Variants in LRP1B observed in about 807,000 individuals in gnomAD.
The protein encoded by LRP1B is low-density lipoprotein receptor-related protein 1B.
Under a neutral mutation model 556.6 loss-of-function variants are expected in LRP1B, and 217 were observed. The ratio of observed to expected loss-of-function variants is 0.39; its 90% confidence interval spans 0.35 to 0.44. The LOEUF is 0.44. Among genes scored for constraint, LRP1B ranks in the 20% least tolerant of loss-of-function variants. LRP1B has a pLI of 1.00. For synonymous variants in LRP1B, 2,047 were observed against 1,865.8 expected (o/e 1.10, Z -2.50); for missense variants, 5,053 against 5,620.8 (o/e 0.90, Z 3.23).
At chr2:141,035,222 G>A (rs946141821) in intron 11 of LRP1B, among the ~76,000 whole-genome samples, 2 of 151,862 alleles carry the variant, frequency 1.3e-5, no homozygotes, top group East Asian at 1.9e-4. Context: ...GGGGAAGGGG[G>A]GAGGGATAGC....
At chr2:140,554,508 A>T (rs1680656727) in intron 43 of LRP1B, among the ~76,000 whole-genome samples, 1 of 152,072 alleles carries the variant, frequency 6.6e-6, no homozygotes, top group Non-Finnish European at 1.5e-5. Context: ...TCATTTTGAC[A>T]GTCAATTCAA....
chr2:140,401,484 C>G (rs1042185201), intron 66 of LRP1B, among the ~76,000 whole-genome samples: 1 of 152,112 alleles, frequency 6.6e-6, no homozygotes, highest in Non-Finnish European at 1.5e-5. Flanking sequence ...TTGAGAACTG[C>G]CCCCAACCCC....
chr2:141,936,345 A>G (rs1268620811), intron 1 of LRP1B, among the ~76,000 whole-genome samples: 1 of 152,236 alleles, frequency 6.6e-6, no homozygotes, highest in Admixed American at 6.5e-5. Context: ...AACTAGTTTA[A>G]TGATCACAAT....
intron 79 of LRP1B, among the ~76,000 whole-genome samples, chr2:140,326,649 A>AGGTCAGTGAG (rs1210834158): frequency 6.6e-6 from 1 of 151,946 alleles, no homozygotes; most frequent in African/African-American, 2.4e-5. Context: ...TGGGAGGCAG[A>AGGTCAGTGAG]GGTCAGTGAG....
chr2:141,568,201 G>A lies in LRP1B; in HGVS notation c.206-87668C>T, dbSNP rs1244646454. Among the ~76,000 whole-genome samples, 2 of 151,026 alleles carry A rather than the reference G, an allele frequency of 1.3e-5. 1 individual carries two copies. Among genetic ancestry groups the A allele is most frequent in the Non-Finnish European group, 3.0e-5 (2 of 67,440 alleles). ...GGGATAAAGTTAGAGCATTAAGGAT[G>A]GGCTGGCTAACAAAATCACAATGTC... On this transcript the variant is annotated intron_variant, in intron 2 of 90. Coordinates refer to ENST00000389484, the MANE Select transcript of LRP1B (RefSeq NM_018557.3).
At chr2:141,566,393 C>T (rs552096186) in intron 2 of LRP1B, among the ~76,000 whole-genome samples, 88 of 152,072 alleles carry the variant, frequency 5.8e-4, no homozygotes, top group Middle Eastern at 3.4e-3. Context: ...ACTTTATGCA[C>T]AAAAACATAA....
At chr2:140,811,458 T>C (rs899293731) in intron 32 of LRP1B, among the ~76,000 whole-genome samples, 2 of 152,194 alleles carry the variant, frequency 1.3e-5, no homozygotes, top group Non-Finnish European at 1.5e-5. Context: ...ACAATTTTAT[T>C]ATATTTTTTT....
intron 1 of LRP1B, among the ~76,000 whole-genome samples, chr2:142,055,888 C>T (rs992111548): frequency 7.9e-5 from 12 of 152,134 alleles, no homozygotes; most frequent in African/African-American, 1.9e-4. Context: ...CAGTGGCTCA[C>T]GCCTGTAATC....
chr2:141,415,507 T>C (rs889148159), intron 3 of LRP1B, among the ~76,000 whole-genome samples: 26 of 152,270 alleles, frequency 1.7e-4, no homozygotes, highest in African/African-American at 6.0e-4. Context: ...TTTTTACAGA[T>C]CTATAATGGT....
intron 2 of LRP1B, among the ~76,000 whole-genome samples, chr2:141,765,292 T>A (rs992735976): frequency 1.4e-4 from 21 of 152,200 alleles, no homozygotes; most frequent in Admixed American, 1.0e-3. Context: ...ACAATAGAGC[T>A]AAAAGCAGAA....
At chr2:141,310,991 T>A (rs1234946707) in intron 3 of LRP1B, among the ~76,000 whole-genome samples, 1 of 152,216 alleles carries the variant, frequency 6.6e-6, no homozygotes, top group Non-Finnish European at 1.5e-5. Flanking sequence ...GACTTGGTCA[T>A]CCTTTTTCTG....
At chr2:140,879,188 G>A (rs1262833413) in intron 25 of LRP1B, among the ~76,000 whole-genome samples, 2 of 152,052 alleles carry the variant, frequency 1.3e-5, no homozygotes, top group East Asian at 3.9e-4. Context: ...TGGGAAATTG[G>A]TGTCTACCTT....
At chr2:141,443,829 T>A (rs1681078507) in intron 3 of LRP1B, among the ~76,000 whole-genome samples, 1 of 152,222 alleles carries the variant, frequency 6.6e-6, no homozygotes, top group African/African-American at 2.4e-5. Context: ...TTGATTAATG[T>A]AGCCTTGCAG....
chr2:141,651,364 A>C (rs1466143256), intron 2 of LRP1B, among the ~76,000 whole-genome samples: 1 of 152,208 alleles, frequency 6.6e-6, no homozygotes, highest in Non-Finnish European at 1.5e-5. Context: ...TTTTTAGCAT[A>C]AAAGTATTTT....
Position 140,702,308 on chromosome 2 carries a change from G to A in LRP1B, c.6151-16C>T, listed in dbSNP as rs1559064783. The A allele has an allele frequency of 1.2e-6, 2 of 1,612,380 alleles. No individual in the cohort carries two copies. Among genetic ancestry groups the A allele is most frequent in the South Asian group, 1.1e-5 (1 of 90,872 alleles). ...ATTTATTTTCCTAAATATCGATTAAGAAGTAACGTTACAGACTATATTTGA... is the reference window on the plus strand; with the variant it reads ...ATTTATTTTCCTAAATATCGATTAAAAAGTAACGTTACAGACTATATTTGA... On this transcript the variant is annotated splice_polypyrimidine_tract_variant and intron_variant, in intron 38 of 90. Transcript: ENST00000389484.
At chr2:141,394,226 C>T (rs1481302350) in intron 3 of LRP1B, among the ~76,000 whole-genome samples, 1 of 152,054 alleles carries the variant, frequency 6.6e-6, no homozygotes, top group Non-Finnish European at 1.5e-5. Context: ...TTTAAAATTG[C>T]ATCCAGTAAA....
intron 66 of LRP1B, among the ~76,000 whole-genome samples, chr2:140,440,739 A>ATGTGTGTGTGTGTGTGTG (rs1279713239): frequency 2.3e-5 from 2 of 86,392 alleles, no homozygotes; most frequent in South Asian, 3.2e-4. Flanking sequence ...GTCCCTCTGT[A>ATGTGTGTGTGTGTGTGTG]TGTATGTGTG....
At chr2:141,282,226 T>G (rs1365926019) in intron 3 of LRP1B, among the ~76,000 whole-genome samples, 1 of 151,948 alleles carries the variant, frequency 6.6e-6, no homozygotes, top group Non-Finnish European at 1.5e-5. Context: ...GTAATATAAT[T>G]CTTGGGACAT....
chr2:140,594,828 G>A (rs1682366257), intron 43 of LRP1B, among the ~76,000 whole-genome samples: 1 of 151,684 alleles, frequency 6.6e-6, no homozygotes. Context: ...TTATTGTATT[G>A]CTTCAGCATT....
Sources: allele counts gnomAD v4.1 joint callset (sites outside exome capture counted in the v4.1 genomes callset), GRCh38; gene constraint gnomAD v4.1.1; transcripts MANE v1.5; gene names NCBI Gene and HGNC (gene_info 2026-07-23, HGNC 2026-07-21).